ZMAT4: variants seen among roughly 807,000 people sequenced by gnomAD.
ZMAT4 encodes zinc finger matrin-type protein 4.
A neutral mutation model predicts 28.7 loss-of-function variants in ZMAT4; 17 were observed. The ratio of observed to expected loss-of-function variants is 0.59; its 90% CI spans 0.41 to 0.89. The LOEUF (loss-of-function observed/expected upper bound fraction) is 0.89, where lower values mean the gene tolerates loss of function less well. Among genes scored for constraint, ZMAT4 ranks in the 40% least tolerant of loss-of-function variants. The pLI, the probability that ZMAT4 is intolerant of heterozygous loss-of-function variation, is 0.00. For synonymous variants in ZMAT4, 117 were observed against 109.2 expected, an observed-to-expected ratio of 1.07 and a Z score of -0.44; for missense variants, 240 against 283.8, an observed-to-expected ratio of 0.85 and a Z score of 1.11.
chr8:40,894,166 G>A (rs530988805), intron 1 of ZMAT4, among the ~76,000 whole-genome samples: 152 of 152,350 alleles, frequency 1.0e-3, no homozygotes, highest in African/African-American at 3.4e-3. Context: ...GAGGGCTTGC[G>A]GCTGGTGGGA....
At chr8:40,732,603 G>A (rs1811587308) in intron 3 of ZMAT4, among the ~76,000 whole-genome samples, 1 of 152,206 alleles carries the variant, frequency 6.6e-6, no homozygotes, top group African/African-American at 2.4e-5. Context: ...GGGCAGAGGA[G>A]GAAGGACAGT....
intron 5 of ZMAT4, among the ~76,000 whole-genome samples, chr8:40,644,135 A>G (rs2599660): frequency 0.98 from 148,682 of 152,256 alleles, 72,715 homozygotes; most frequent in Middle Eastern, 1. Context: ...TATAGTAGAG[A>G]AATGGATAAG....
chr8:40,750,653 A>C (rs930781551), intron 3 of ZMAT4, among the ~76,000 whole-genome samples: 9 of 152,242 alleles, frequency 5.9e-5, no homozygotes, highest in African/African-American at 2.2e-4. Context: ...TATCAGGGGA[A>C]AAATGGGGTC....
chr8:40,677,100 TTAAAG>T (rs1808943008), intron 4 of ZMAT4, among the ~76,000 whole-genome samples: 1 of 152,164 alleles, frequency 6.6e-6, no homozygotes, highest in South Asian at 2.1e-4. Flanking sequence ...TTATTTTTCT[TTAAAG>T]TAAGCCCTAT....
chr8:40,538,784 C>T (rs1422127824), intron 6 of ZMAT4, among the ~76,000 whole-genome samples: 1 of 150,968 alleles, frequency 6.6e-6, no homozygotes, highest in African/African-American at 2.4e-5. Context: ...TTTTCTTTCT[C>T]TTTTTTTTTG....
chr8:40,563,883 G>A (rs1184606623), intron 6 of ZMAT4, among the ~76,000 whole-genome samples: 1 of 151,962 alleles, frequency 6.6e-6, no homozygotes, highest in Non-Finnish European at 1.5e-5. Context: ...GGAGCAGGAG[G>A]GCCTCTTAGT....
At chr8:40,679,294 A>C (rs1354209468) in intron 4 of ZMAT4, among the ~76,000 whole-genome samples, 1 of 152,174 alleles carries the variant, frequency 6.6e-6, no homozygotes, top group East Asian at 1.9e-4. Flanking sequence ...TTCCATGCAT[A>C]ATAATCATAG....
chr8:40,601,647 A>AGCAG (rs1563360906), intron 5 of ZMAT4, among the ~76,000 whole-genome samples: 1 of 28,326 alleles, frequency 3.5e-5, no homozygotes, highest in Non-Finnish European at 8.2e-5. Context: ...AAAGAAAGAA[A>AGCAG]GAAAGAAAGA....
At chr8:40,549,945 A>T (rs1422898321) in intron 6 of ZMAT4, among the ~76,000 whole-genome samples, 3 of 152,114 alleles carry the variant, frequency 2.0e-5, no homozygotes, top group Non-Finnish European at 4.4e-5. Context: ...GGCACCTTAT[A>T]ATCCTGCCAT....
At chr8:40,880,884 C>G (rs565304346) in intron 1 of ZMAT4, among the ~76,000 whole-genome samples, 1 of 152,078 alleles carries the variant, frequency 6.6e-6, no homozygotes, top group Non-Finnish European at 1.5e-5. Flanking sequence ...TCACACTCTA[C>G]GCTTGTGCCG....
intron 2 of ZMAT4, among the ~76,000 whole-genome samples, chr8:40,782,707 G>C (rs992851700): frequency 6.6e-6 from 1 of 152,140 alleles, no homozygotes; most frequent in African/African-American, 2.4e-5. Flanking sequence ...CAGAACAAGG[G>C]ATTTATAGTC....
At chr8:40,580,219 G>A (rs1039912389) in intron 6 of ZMAT4, among the ~76,000 whole-genome samples, 23 of 151,678 alleles carry the variant, frequency 1.5e-4, no homozygotes, top group Non-Finnish European at 2.7e-4. Context: ...TCACCGTGTT[G>A]GCCAGGATGG....
rs151233202 is a variant in ZMAT4, at chr8:40,688,268, C to T, written c.349+8977G>A. Reference sequence around the variant, plus strand: ...GTCAGGAGTTCAAGACCAGCCTGACCAACATGGTGAAATCCCATCTCTACT... The same window carrying T: ...GTCAGGAGTTCAAGACCAGCCTGACTAACATGGTGAAATCCCATCTCTACT... On this transcript the variant is annotated intron_variant, in intron 4 of 6. Coordinates refer to ENST00000297737, the MANE Select transcript of ZMAT4 (RefSeq NM_024645.3). Among the ~76,000 whole-genome samples the T allele has an allele frequency of 2.5e-3, 375 of 152,124 alleles. 5 individuals carry two copies. Among genetic ancestry groups the T allele is most frequent in the Admixed American group, 0.02 (304 of 15,268 alleles).
chr8:40,556,179 AC>A (rs1172893498), intron 6 of ZMAT4, among the ~76,000 whole-genome samples: 1 of 151,948 alleles, frequency 6.6e-6, no homozygotes, highest in Non-Finnish European at 1.5e-5. Context: ...TCTACCTAGC[AC>A]CCATGCTCAT....
At chr8:40,783,473 T>C (rs1251669084) in intron 2 of ZMAT4, among the ~76,000 whole-genome samples, 1 of 152,192 alleles carries the variant, frequency 6.6e-6, no homozygotes, top group Non-Finnish European at 1.5e-5. Flanking sequence ...TTTTGGAGGA[T>C]GTGGTGTAAA....
rs1370633935 is a variant in ZMAT4, at chr8:40,883,958, C to T, written c.-5+13725G>A. On this transcript the variant is annotated intron_variant, in intron 1 of 6. Coordinates refer to ENST00000297737, the MANE Select transcript of ZMAT4 (RefSeq NM_024645.3). ...TCTCCAGAGCTCACAGAGCCCCTTTCGCAGTGAAAAGCTCAAGTGATAGCA... is the reference window on the plus strand; with the variant it reads ...TCTCCAGAGCTCACAGAGCCCCTTTTGCAGTGAAAAGCTCAAGTGATAGCA... 3.9e-5 allele frequency among the ~76,000 whole-genome samples: 6 copies of T among 152,152 alleles called. No individual in the cohort carries two copies. In the East Asian group the frequency reaches 7.7e-4, roughly 20 times the overall value.
chr8:40,601,459 AG>A (rs1805313490), intron 5 of ZMAT4, among the ~76,000 whole-genome samples: 1 of 89,738 alleles, frequency 1.1e-5, no homozygotes, highest in East Asian at 3.0e-4. Context: ...GAAGGAAGGG[AG>A]GAAGAAAGGA....
chr8:40,760,658 A>G (rs1002321209), intron 3 of ZMAT4, among the ~76,000 whole-genome samples: 2 of 151,934 alleles, frequency 1.3e-5, no homozygotes, highest in Non-Finnish European at 2.9e-5. Context: ...TTCATGGTCG[A>G]GGCAACATTC....
intron 3 of ZMAT4, among the ~76,000 whole-genome samples, chr8:40,709,634 C>A (rs149291888): frequency 1.9e-4 from 29 of 152,332 alleles, no homozygotes; most frequent in Admixed American, 1.9e-3. Context: ...AGTGAGAAAA[C>A]AGGCCAGAAC....
Sources: gnomAD v4.1 joint callset for allele counts (sites outside exome capture counted in the v4.1 genomes callset) on GRCh38, gnomAD v4.1.1 for gene constraint, MANE v1.5 for transcripts, NCBI Gene and HGNC (gene_info 2026-07-23, HGNC 2026-07-21) for gene names.